The following PDK3 variants were observed in gnomAD, a reference collection of about 807,000 sequenced individuals.
PDK3 encodes the protein pyruvate dehydrogenase kinase 3.
In PDK3, 12 loss-of-function variants were observed where a neutral mutation model predicts 32.0. That is an observed-to-expected ratio of 0.37 (90% CI 0.24 to 0.61). PDK3 has a LOEUF of 0.61. Among genes scored for constraint, PDK3 ranks in the 20% least tolerant of loss-of-function variants. The pLI is 0.65. For missense variants in PDK3, 188 were observed against 316.9 expected, an observed-to-expected ratio of 0.59 and a Z score of 3.09; for synonymous variants, 122 against 116.3, an observed-to-expected ratio of 1.05 and a Z score of -0.31.
intron 10 of PDK3, among the ~76,000 whole-genome samples, chrX:24,533,434 G>A (rs1922702350): frequency 9.0e-6 from 1 of 111,704 alleles, no homozygotes; most frequent in African/African-American, 3.2e-5. Flanking sequence ...CACTGTGCCC[G>A]GCCTGTTCCC....
intron 1 of PDK3, among the ~76,000 whole-genome samples, chrX:24,471,536 G>A (rs1920990717): frequency 1.8e-5 from 2 of 112,375 alleles, no homozygotes; most frequent in Non-Finnish European, 3.8e-5. Context: ...CTTGGGCAGC[G>A]AAAAGAAGGT....
intron 5 of PDK3, among the ~76,000 whole-genome samples, chrX:24,510,854 A>G (rs1922100771): frequency 8.9e-6 from 1 of 112,113 alleles, no homozygotes; most frequent in Non-Finnish European, 1.9e-5. Context: ...GGGCTAGGCA[A>G]CCTAGAAGGA....
At chrX:24,538,343 T>C (rs914253617), downstream of PDK3, among the ~76,000 whole-genome samples, 6 of 112,019 alleles carry the variant, frequency 5.4e-5, no homozygotes, top group Non-Finnish European at 7.5e-5. Flanking sequence ...CGGTAGAGAT[T>C]TGGGGAAAGA....
At chrX:24,466,253 C>T (rs1219149527) in intron 1 of PDK3, among the ~76,000 whole-genome samples, 2 of 111,946 alleles carry the variant, frequency 1.8e-5, no homozygotes, top group Non-Finnish European at 3.8e-5. Context: ...GCGGCTTTCA[C>T]GGATTGAGGT....
chrX:24,526,063 C>A, intron 6 of PDK3, 135 bp from the exon 7 acceptor site: 1 of 466,790 alleles, frequency 2.1e-6, no homozygotes. Flanking sequence ...TCAGCCCTGC[C>A]TTTAGAGGTG....
chrX:24,483,815 C>T (rs1288630586), intron 1 of PDK3, among the ~76,000 whole-genome samples: 3 of 110,552 alleles, frequency 2.7e-5, no homozygotes, highest in South Asian at 7.7e-4. Flanking sequence ...TGGGCTCAAG[C>T]GATCCTTGCA....
chrX:24,533,735 T>A (rs1331140593), intron 10 of PDK3, among the ~76,000 whole-genome samples, 194 bp from the exon 11 acceptor site: 3 of 112,122 alleles, frequency 2.7e-5, no homozygotes, highest in Non-Finnish European at 5.6e-5. Context: ...AATGAGCAAA[T>A]GTTTTCATTC....
rs1859338 is a variant in PDK3 at position 24,468,221 on chromosome X, G to A, written c.106+2660G>A. Among the ~76,000 whole-genome samples the A allele has an allele frequency of 4.8e-3, 536 of 112,216 alleles. 11 individuals carry two copies. Among genetic ancestry groups the A allele is most frequent in the Admixed American group, 0.045 (478 of 10,593 alleles). ...TCAAAAGTGGAGGCTAAAACTTGTT[G>A]TTACTTCAGAAGCTGTGCTTTTATT... On this transcript the variant is annotated intron_variant, in intron 1 of 10. Coordinates refer to ENST00000379162, the MANE Select transcript of PDK3 (RefSeq NM_005391.5).
At chrX:24,531,049 TTGTG>T (rs760426568) in intron 9 of PDK3, among the ~76,000 whole-genome samples, 6 of 98,134 alleles carry the variant, frequency 6.1e-5, no homozygotes, top group Admixed American at 2.2e-4. Context: ...GAATGTGCTT[TTGTG>T]TGTGTGTGTG....
At chrX:24,524,342 G>A in intron 6 of PDK3, among the ~76,000 whole-genome samples, 1 of 112,061 alleles carries the variant, frequency 8.9e-6, no homozygotes, top group Non-Finnish European at 1.9e-5. Flanking sequence ...AGTAGGTATG[G>A]AAGCTGGAAG....
At chrX:24,546,840 A>G (rs1923006697) in exon 12 of PDK3, 1 of 112,532 alleles carries the variant, frequency 8.9e-6, no homozygotes, top group Non-Finnish European at 1.9e-5. Flanking sequence ...TTATTTGCAT[A>G]TAAACTAAAG....
rs746451337 is a variant in PDK3, at chrX:24,486,488, T to C, written c.107-8254T>C. Among the ~76,000 whole-genome samples the C allele has an allele frequency of 3.7e-3, 409 of 111,678 alleles. 1 individual carries two copies. The highest frequency in any genetic ancestry group is 0.012 in the African/African-American group (365 of 30,743). On this transcript the variant is annotated intron_variant, in intron 1 of 10. Coordinates refer to ENST00000379162, the MANE Select transcript of PDK3 (RefSeq NM_005391.5). ...CTGTCTAAATTCCTGACTCACAGCA[T>C]CTGTGAGTATCATAATATGGACTTT...
chrX:24,501,264 A>G (rs907908970), intron 3 of PDK3, among the ~76,000 whole-genome samples: 3 of 108,898 alleles, frequency 2.8e-5, no homozygotes, highest in African/African-American at 1.0e-4. Context: ...ACAAGTGTCA[A>G]CATTATAGAT....
At chrX:24,504,773 A>T (rs1173616789) in intron 4 of PDK3, among the ~76,000 whole-genome samples, 1 of 112,376 alleles carries the variant, frequency 8.9e-6, no homozygotes, top group Non-Finnish European at 1.9e-5. Flanking sequence ...GGCATCTGAA[A>T]TGCTGCCAGC....
chrX:24,467,881 C>T (rs1160471213), intron 1 of PDK3, among the ~76,000 whole-genome samples: 2 of 111,566 alleles, frequency 1.8e-5, no homozygotes, highest in African/African-American at 3.3e-5. Context: ...AGTTGAGGAC[C>T]GTGATAAATT....
intron 1 of PDK3, among the ~76,000 whole-genome samples, chrX:24,474,749 A>G: frequency 9.0e-6 from 1 of 111,460 alleles, no homozygotes; most frequent in African/African-American, 3.3e-5. Context: ...ATGTGTAAAT[A>G]TAGCATCTCT....
chrX:24,492,559 A>C (rs1921592120), intron 1 of PDK3, among the ~76,000 whole-genome samples: 1 of 111,738 alleles, frequency 8.9e-6, no homozygotes, highest in South Asian at 3.7e-4. Context: ...ACTGCACTCC[A>C]GCCTGGGTGA....
At chrX:24,536,225 A>G (rs1413567244), downstream of PDK3, among the ~76,000 whole-genome samples, 1 of 111,551 alleles carries the variant, frequency 9.0e-6, no homozygotes, top group Non-Finnish European at 1.9e-5. Flanking sequence ...TTTCACTAGA[A>G]AATAATCTGT....
intron 10 of PDK3, 23 bp from the exon 11 acceptor site, chrX:24,533,906 G>A (rs367814138): frequency 2.6e-6 from 3 of 1,173,075 alleles, no homozygotes; most frequent in Non-Finnish European, 3.4e-6. Flanking sequence ...GACCTTTGGT[G>A]TATATTTTTG....
Sources: allele counts gnomAD v4.1 joint callset (sites outside exome capture counted in the v4.1 genomes callset), GRCh38; gene constraint gnomAD v4.1.1; transcripts MANE v1.5; gene names NCBI Gene and HGNC (gene_info 2026-07-23, HGNC 2026-07-21).